Variants in SAXO1 observed in about 807,000 individuals in gnomAD.
The protein encoded by SAXO1 is 4930500O09Rik.
In SAXO1, 21 loss-of-function variants were observed where a neutral mutation model predicts 17.5. That is an observed-to-expected ratio of 1.20 (90% CI 0.85 to 1.72). The LOEUF (loss-of-function observed/expected upper bound fraction) is 1.72. Ranked by LOEUF, SAXO1 falls within the 40% of genes most tolerant of loss-of-function variation. The probability of loss-of-function intolerance (pLI) is 0.00; values close to 1 mark genes in which losing one functional copy is unlikely to be tolerated. For synonymous variants in SAXO1, 274 were observed against 216.5 expected, an observed-to-expected ratio of 1.27 and a Z score of -2.33; for missense variants, 843 against 596.0, an observed-to-expected ratio of 1.41 and a Z score of -4.32.
chr9:18,992,635 C>A (rs1250926681), intron 1 of SAXO1, among the ~76,000 whole-genome samples: 1 of 152,104 alleles, frequency 6.6e-6, no homozygotes, highest in East Asian at 1.9e-4. Flanking sequence ...CCTGGCACCT[C>A]CTCAGGGAGG....
chr9:18,932,446 T>A (rs928119539), intron 3 of SAXO1, among the ~76,000 whole-genome samples: 1 of 152,266 alleles, frequency 6.6e-6, no homozygotes, highest in African/African-American at 2.4e-5. Flanking sequence ...AATAAAGTTT[T>A]GTAATCAGGA....
At chr9:18,957,418 C>T (rs1450816698) in intron 1 of SAXO1, among the ~76,000 whole-genome samples, 1 of 152,168 alleles carries the variant, frequency 6.6e-6, no homozygotes, top group East Asian at 1.9e-4. Context: ...AGCTGGTCAG[C>T]AGCAGCCTTC....
At chr9:18,951,751 C>G (rs1041698002) in intron 1 of SAXO1, among the ~76,000 whole-genome samples, 12 of 152,314 alleles carry the variant, frequency 7.9e-5, no homozygotes, top group Non-Finnish European at 1.2e-4. Flanking sequence ...ATCTGTCAAG[C>G]TCAGGGCCTT....
chr9:18,935,551 A>T (rs1005557962), intron 3 of SAXO1, among the ~76,000 whole-genome samples: 2 of 151,972 alleles, frequency 1.3e-5, no homozygotes, highest in African/African-American at 2.4e-5. Context: ...AGGGATGATG[A>T]GTTGATAGAT....
intron 1 of SAXO1, among the ~76,000 whole-genome samples, chr9:19,046,015 G>C (rs1836204955): frequency 6.6e-6 from 1 of 151,170 alleles, no homozygotes; most frequent in African/African-American, 2.4e-5. Flanking sequence ...TTGAACCTGG[G>C]AGGCGGAGGT....
In SAXO1 at chr9:19,002,263, CA is replaced by C. The variant is rs540722506; in HGVS notation, c.38+30607del. 3.1e-3 allele frequency among the ~76,000 whole-genome samples: 463 copies of C among 150,786 alleles called. 8 individuals carry two copies. In the South Asian group the frequency reaches 0.045, roughly 15 times the overall value. ...ATTGAGGCAGTAATAGCCTACCAACCAAAAAAAAAGTCCAGGACCAGATGGA... is the reference window on the plus strand; with the variant it reads ...ATTGAGGCAGTAATAGCCTACCAACCAAAAAAAAGTCCAGGACCAGATGGA... On this transcript the variant is annotated intron_variant, in intron 1 of 3. Coordinates refer to ENST00000380534, the MANE Select transcript of SAXO1 (RefSeq NM_153707.4).
chr9:18,949,918 C>A (rs138359594), intron 2 of SAXO1, among the ~76,000 whole-genome samples: 148 of 152,298 alleles, frequency 9.7e-4, no homozygotes, highest in African/African-American at 3.4e-3. Context: ...GGATGAGGAA[C>A]CGGGAAGGCA....
At chr9:18,990,602 C>A (rs1833775388) in intron 1 of SAXO1, among the ~76,000 whole-genome samples, 1 of 152,120 alleles carries the variant, frequency 6.6e-6, no homozygotes, top group Admixed American at 6.5e-5. Flanking sequence ...GGCCATGGAC[C>A]AGTACCGATC....
At chr9:18,958,377 T>C (rs1459743561) in intron 1 of SAXO1, among the ~76,000 whole-genome samples, 2 of 152,044 alleles carry the variant, frequency 1.3e-5, no homozygotes, top group Non-Finnish European at 2.9e-5. Flanking sequence ...TGAGTCGAGA[T>C]AGCAACACTG....
At chr9:18,930,856 C>T (rs138228104) in intron 3 of SAXO1, among the ~76,000 whole-genome samples, 650 of 152,224 alleles carry the variant, frequency 4.3e-3, no homozygotes, top group Admixed American at 6.7e-3. Context: ...GTTGCCCCAT[C>T]AGGCCCATAA....
At chr9:19,035,048 A>G (rs540766769), upstream of SAXO1, among the ~76,000 whole-genome samples, 1 of 152,166 alleles carries the variant, frequency 6.6e-6, no homozygotes, top group Non-Finnish European at 1.5e-5. Flanking sequence ...CTCAACAATG[A>G]TATACCTAAA....
chr9:18,981,305 T>C (rs1833374496), intron 1 of SAXO1, among the ~76,000 whole-genome samples: 1 of 152,204 alleles, frequency 6.6e-6, no homozygotes, highest in Non-Finnish European at 1.5e-5. Context: ...AATACTTTCA[T>C]GTCTATTAAA....
intron 1 of SAXO1, among the ~76,000 whole-genome samples, chr9:18,997,989 A>C (rs964141851): frequency 2.0e-5 from 3 of 152,222 alleles, no homozygotes; most frequent in Non-Finnish European, 4.4e-5. Flanking sequence ...CCAAAGGTAG[A>C]TAAAACCTCT....
At chr9:18,940,631 G>C (rs968888731) in intron 3 of SAXO1, among the ~76,000 whole-genome samples, 1 of 152,194 alleles carries the variant, frequency 6.6e-6, no homozygotes, top group Non-Finnish European at 1.5e-5. Flanking sequence ...TGTTCAGCTT[G>C]TCCTCCTAGG....
At chr9:18,976,242 G>A (rs1161284142) in intron 1 of SAXO1, among the ~76,000 whole-genome samples, 2 of 152,124 alleles carry the variant, frequency 1.3e-5, no homozygotes, top group African/African-American at 4.8e-5. Context: ...ATGGGACTGG[G>A]GTTCATCTCT....
intron 1 of SAXO1, among the ~76,000 whole-genome samples, chr9:18,961,575 G>C (rs200110745): frequency 3.3e-5 from 5 of 151,950 alleles, no homozygotes; most frequent in Non-Finnish European, 7.4e-5. Context: ...CTTATGAGTG[G>C]GAACATGTGG....
chr9:18,942,592 C>A (rs1831618484), intron 2 of SAXO1, among the ~76,000 whole-genome samples: 1 of 152,234 alleles, frequency 6.6e-6, no homozygotes. Context: ...ACCCTGACTC[C>A]TTCATTTCTC....
chr9:18,936,974 T>C lies in SAXO1; in HGVS notation c.421+4663A>G, dbSNP rs544605599. 3.3e-3 allele frequency among the ~76,000 whole-genome samples: 508 copies of C among 152,344 alleles called. 4 individuals carry two copies. The highest frequency in any genetic ancestry group is 0.011 in the African/African-American group (477 of 41,578). On this transcript the variant is annotated intron_variant, in intron 3 of 3. Coordinates refer to ENST00000380534, the MANE Select transcript of SAXO1 (RefSeq NM_153707.4). ...GTGGAACAAATGTAAGCAGAGCATA[T>C]AGACAAAATCTAGATGGCACCCACT...
intron 1 of SAXO1, among the ~76,000 whole-genome samples, chr9:19,000,307 G>C (rs1369934969): frequency 6.6e-6 from 1 of 151,588 alleles, no homozygotes; most frequent in Non-Finnish European, 1.5e-5. Context: ...CCTCTGGGAA[G>C]TGAGGAGCGC....
Sources: allele counts gnomAD v4.1 joint callset (sites outside exome capture counted in the v4.1 genomes callset), GRCh38; gene constraint gnomAD v4.1.1; transcripts MANE v1.5; gene names NCBI Gene and HGNC (gene_info 2026-07-23, HGNC 2026-07-21).